Variants in MSI2 observed in about 807,000 individuals in gnomAD.
MSI2 encodes musashi RNA binding protein 2.
Under a neutral mutation model 45.6 loss-of-function variants are expected in MSI2, and 17 were observed. The ratio of observed to expected loss-of-function variants is 0.37; its 90% CI spans 0.26 to 0.56. MSI2 has a LOEUF of 0.56. MSI2 is among the 20% of genes least tolerant of loss of function. The probability of loss-of-function intolerance (pLI) is 0.77; values close to 1 mark genes in which losing one functional copy is unlikely to be tolerated. For synonymous variants in MSI2, 156 were observed against 158.2 expected (o/e 0.99, Z 0.11); for missense variants, 293 against 444.2 (o/e 0.66, Z 3.06).
chr17:57,602,951 G>A (rs1218826427), intron 8 of MSI2, among the ~76,000 whole-genome samples: 1 of 152,206 alleles, frequency 6.6e-6, no homozygotes, highest in East Asian at 1.9e-4. Flanking sequence ...CCAGGCAAGG[G>A]CCACTGCTAA....
At chr17:57,455,435 CA>C (rs1426056732) in intron 6 of MSI2, among the ~76,000 whole-genome samples, 1 of 152,176 alleles carries the variant, frequency 6.6e-6, no homozygotes, top group African/African-American at 2.4e-5. Flanking sequence ...ACTTCCTGTG[CA>C]GCCGCTTGTG....
the MSI2 span, among the ~76,000 whole-genome samples, chr17:57,699,182 A>AGAGAGAGAGAGAGT: frequency 7.6e-4 from 19 of 25,078 alleles, 3 homozygotes; most frequent in East Asian, 4.2e-3. Context: ...AGAGAGAGAG[A>AGAGAGAGAGAGAGT]GTGTGTGTGT....
At chr17:57,364,025 A>T (rs1030159312) in intron 5 of MSI2, among the ~76,000 whole-genome samples, 1 of 152,120 alleles carries the variant, frequency 6.6e-6, no homozygotes, top group Non-Finnish European at 1.5e-5. Flanking sequence ...TTTTCCTTCT[A>T]GGTGGGGATT....
At chr17:57,593,227 T>C (rs1177598452) in intron 7 of MSI2, among the ~76,000 whole-genome samples, 1 of 152,168 alleles carries the variant, frequency 6.6e-6, no homozygotes, top group Non-Finnish European at 1.5e-5. Context: ...GCAGCCCCCC[T>C]GTGTGGGATA....
chr17:57,307,225 A>T (rs1021774414), intron 5 of MSI2, among the ~76,000 whole-genome samples: 1 of 152,148 alleles, frequency 6.6e-6, no homozygotes, highest in Non-Finnish European at 1.5e-5. Context: ...TATTGCTGTG[A>T]AAGTATTTGT....
chr17:57,385,483 C>T (rs533665382), intron 5 of MSI2, among the ~76,000 whole-genome samples: 1 of 152,134 alleles, frequency 6.6e-6, no homozygotes, highest in Admixed American at 6.6e-5. Flanking sequence ...GAAACCCCAT[C>T]TACTAAAAAT....
chr17:57,355,725 G>A (rs904825860), intron 5 of MSI2, among the ~76,000 whole-genome samples: 3 of 152,210 alleles, frequency 2.0e-5, no homozygotes, highest in African/African-American at 7.2e-5. Flanking sequence ...GGGCCTGGCG[G>A]GTTCCAGACT....
chr17:57,330,367 C>G (rs1021718576), intron 5 of MSI2, among the ~76,000 whole-genome samples: 1 of 151,776 alleles, frequency 6.6e-6, no homozygotes, highest in African/African-American at 2.4e-5. Flanking sequence ...TCACTGCAAC[C>G]TCTGCCTCCT....
At chr17:57,516,607 G>T (rs899914028) in intron 6 of MSI2, among the ~76,000 whole-genome samples, 3 of 152,194 alleles carry the variant, frequency 2.0e-5, no homozygotes, top group African/African-American at 7.2e-5. Flanking sequence ...GAGCATCTGT[G>T]CATGCCGGGG....
the MSI2 span, among the ~76,000 whole-genome samples, chr17:57,694,013 G>C: frequency 3.3e-5 from 5 of 152,206 alleles, no homozygotes; most frequent in African/African-American, 1.2e-4. Flanking sequence ...TCAAATTTCA[G>C]TGTCTATAAA....
At chr17:57,414,363 GAGA>G (rs1567810093) in intron 6 of MSI2, among the ~76,000 whole-genome samples, 1 of 151,976 alleles carries the variant, frequency 6.6e-6, no homozygotes, top group African/African-American at 2.4e-5. Flanking sequence ...CCAGTCATTG[GAGA>G]AGGAGTTTCA....
the MSI2 span, among the ~76,000 whole-genome samples, chr17:57,693,018 T>G: frequency 3.3e-5 from 5 of 152,088 alleles, no homozygotes; most frequent in Middle Eastern, 3.2e-3. Flanking sequence ...CATCCATTAT[T>G]TCTTCAGATA....
chr17:57,670,331 C>T (rs915157013), intron 11 of MSI2, among the ~76,000 whole-genome samples: 10 of 152,240 alleles, frequency 6.6e-5, no homozygotes, highest in African/African-American at 2.4e-4. Context: ...CCCCTTGTCA[C>T]TGCAGTTGGG....
At chr17:57,532,342 C>T (rs2086838671) in intron 7 of MSI2, 1 of 152,250 alleles carries the variant, frequency 6.6e-6, no homozygotes, top group Non-Finnish European at 1.5e-5. Flanking sequence ...GCCGCCATCC[C>T]ACTGCCCTCC....
intron 8 of MSI2, among the ~76,000 whole-genome samples, chr17:57,606,514 G>C (rs1906593457): frequency 6.6e-6 from 1 of 152,074 alleles, no homozygotes; most frequent in African/African-American, 2.4e-5. Flanking sequence ...CTCAGATCTG[G>C]GCAGGGTGGG....
At chr17:57,638,785 C>T (rs962124798) in intron 10 of MSI2, among the ~76,000 whole-genome samples, 5 of 152,016 alleles carry the variant, frequency 3.3e-5, no homozygotes, top group Admixed American at 1.3e-4. Context: ...ACCTGAAATC[C>T]CAGCTACTTG....
intron 6 of MSI2, among the ~76,000 whole-genome samples, chr17:57,465,016 C>T (rs956632913): frequency 3.3e-5 from 5 of 152,122 alleles, no homozygotes; most frequent in Non-Finnish European, 4.4e-5. Context: ...GAAATGCCCT[C>T]GTGTTGGGCC....
chr17:57,486,285 GCT>G (rs1304665691), intron 6 of MSI2, among the ~76,000 whole-genome samples: 1 of 152,182 alleles, frequency 6.6e-6, no homozygotes. Flanking sequence ...TTTACAAGGG[GCT>G]CTCTCCTAGC....
In MSI2 at chr17:57,627,448, A is replaced by T; in HGVS notation, c.727+145A>T. ...TACATGATAAATTTCAAATCCACTG[A>T]AGTTCAAGGCCAGGATGCAGCTCAG... On this transcript the variant is annotated intron_variant, in intron 10 of 13. Transcript: ENST00000284073. The surrounding 1 kb of genome is among the most constrained non-coding windows in gnomAD (Gnocchi z 4.6). 1 of 741,208 alleles carries T rather than the reference A, an allele frequency of 1.3e-6. No individual in the cohort carries two copies. The highest frequency in any genetic ancestry group is 2.3e-6 in the Non-Finnish European group (1 of 425,648). 45.9% of individuals were successfully genotyped at this position (741,208 alleles called of 1,614,324 possible).
Sources: gnomAD v4.1 joint callset for allele counts (sites outside exome capture counted in the v4.1 genomes callset) on GRCh38, gnomAD v4.1.1 for gene constraint, Gnocchi (gnomAD v3.1) non-coding constraint, MANE v1.5 for transcripts, NCBI Gene and HGNC (gene_info 2026-07-23, HGNC 2026-07-21) for gene names.